The following ZNF43 variants were observed in gnomAD, a reference collection of about 807,000 sequenced individuals.
The protein encoded by ZNF43 is zinc finger protein 43, also known as zinc finger protein 39-like 1 (KOX 27).
ZNF43 carries 44 observed loss-of-function variants against 68.4 expected under a neutral mutation model. The observed-to-expected ratio is 0.64, with a 90% CI of 0.51 to 0.83. The LOEUF (loss-of-function observed/expected upper bound fraction) is 0.83. ZNF43 is among the 40% of genes least tolerant of loss of function. The pLI, the probability that ZNF43 is intolerant of heterozygous loss-of-function variation, is 0.00. For missense variants in ZNF43, 896 were observed against 933.2 expected (o/e 0.96, Z 0.52); for synonymous variants, 308 against 307.8 (o/e 1.00, Z -0.01).
exon 1 of ZNF43, chr19:21,851,982 C>T (rs186761667): frequency 0.012 from 18,290 of 1,528,552 alleles, 162 homozygotes; most frequent in Middle Eastern, 0.021. Flanking sequence ...GTAACGGAGG[C>T]TGCGACAAAG....
chr19:21,814,832 C>A (rs967443034), intron 3 of ZNF43, among the ~76,000 whole-genome samples: 1 of 151,972 alleles, frequency 6.6e-6, no homozygotes, highest in African/African-American at 2.4e-5. Context: ...GAAACCTACA[C>A]TGAAGAAATA....
chr19:21,851,634 C>A (rs116811099), intron 1 of ZNF43, among the ~76,000 whole-genome samples: 3,767 of 152,210 alleles, frequency 0.025, 169 homozygotes, highest in African/African-American at 0.083. Context: ...GATTCTGCCC[C>A]GATCATCCGC....
At chr19:21,817,849 T>A in intron 3 of ZNF43, 39 bp downstream of exon 3, 1 of 1,580,120 alleles carries the variant, frequency 6.3e-7, no homozygotes, top group Non-Finnish European at 8.7e-7. Flanking sequence ...TTTGGACTTC[T>A]CATCTGTGTT....
intron 1 of ZNF43, among the ~76,000 whole-genome samples, chr19:21,823,180 T>C (rs1347484015): frequency 6.6e-6 from 1 of 152,196 alleles, no homozygotes; most frequent in African/African-American, 2.4e-5. Flanking sequence ...AACAATATAA[T>C]GCTAAATTCA....
intron 1 of ZNF43, among the ~76,000 whole-genome samples, chr19:21,851,731 T>C (rs1170168552): frequency 6.6e-6 from 1 of 151,832 alleles, no homozygotes; most frequent in Non-Finnish European, 1.5e-5. Context: ...CGCGCAGGAA[T>C]GGGGCGGGAC....
At chr19:21,810,832 C>T (rs80062065) in intron 3 of ZNF43, among the ~76,000 whole-genome samples, 5,826 of 152,096 alleles carry the variant, frequency 0.038, 165 homozygotes, top group Admixed American at 0.053. Flanking sequence ...TGTCTGTACA[C>T]CCAGCTACTT....
intron 3 of ZNF43, among the ~76,000 whole-genome samples, chr19:21,815,414 T>A (rs2037472450): frequency 6.6e-6 from 1 of 150,670 alleles, no homozygotes; most frequent in Admixed American, 6.6e-5. Context: ...TTTAAGTAGA[T>A]GCTATACTTA....
chr19:21,842,442 C>T (rs75498524), intron 1 of ZNF43, among the ~76,000 whole-genome samples: 2 of 149,352 alleles, frequency 1.3e-5, no homozygotes, highest in Non-Finnish European at 3.0e-5. Context: ...AAAAAAATCA[C>T]AATCCCGCCT....
At chr19:21,829,317 G>GTT (rs2038312719) in intron 1 of ZNF43, among the ~76,000 whole-genome samples, 1 of 152,118 alleles carries the variant, frequency 6.6e-6, no homozygotes, top group Admixed American at 6.5e-5. Context: ...CTTTTGCAGT[G>GTT]TAAGTACTTC....
At position 21,807,353 on chromosome 19, in the gene ZNF43, C is replaced by T; in HGVS notation, c.*254G>A. 1 of 314,388 alleles carries T rather than the reference C, an allele frequency of 3.2e-6. No homozygotes were observed. 19.5% of individuals were successfully genotyped at this position (314,388 alleles called of 1,614,324 possible). A position where few individuals can be genotyped will look rare whatever the true frequency, so the allele number is the denominator to read the frequency against. On this transcript the variant is annotated 3_prime_UTR_variant, in exon 4 of 4. Coordinates refer to ENST00000354959, the MANE Select transcript of ZNF43 (RefSeq NM_003423.4). ...GCATCTATAATGGTTTTATTAAGTA[C>T]AGACTCTCTGATGTTGAGTAAGATA...
At chr19:21,826,476 C>T (rs1568369116) in intron 1 of ZNF43, 1 of 152,166 alleles carries the variant, frequency 6.6e-6, no homozygotes, top group Non-Finnish European at 1.5e-5. Context: ...AAAGAGAGTT[C>T]AGCAGGCTCA....
At chr19:21,812,775 AC>A (rs2037340265) in intron 3 of ZNF43, among the ~76,000 whole-genome samples, 4 of 151,948 alleles carry the variant, frequency 2.6e-5, no homozygotes, top group Admixed American at 2.6e-4. Flanking sequence ...ACATGGCAAA[AC>A]CCCATCTCTA....
upstream of ZNF43, among the ~76,000 whole-genome samples, chr19:21,837,664 A>T (rs747966553): frequency 1.3e-5 from 2 of 151,874 alleles, no homozygotes; most frequent in Non-Finnish European, 2.9e-5. Flanking sequence ...ATACCAGCTA[A>T]TTTTTTGTAT....
At chr19:21,845,443 TG>T (rs1967884270) in intron 1 of ZNF43, 1 of 152,068 alleles carries the variant, frequency 6.6e-6, no homozygotes, top group Non-Finnish European at 1.5e-5. Context: ...ATCTAGGTGC[TG>T]GGTCCAGTGA....
At chr19:21,814,937 C>T (rs2037447768) in intron 3 of ZNF43, among the ~76,000 whole-genome samples, 1 of 151,734 alleles carries the variant, frequency 6.6e-6, no homozygotes, top group Non-Finnish European at 1.5e-5. Context: ...CCTGTAATCC[C>T]AGCACTTTGG....
chr19:21,825,534 T>C (rs2038074867), intron 1 of ZNF43, among the ~76,000 whole-genome samples: 1 of 152,092 alleles, frequency 6.6e-6, no homozygotes, highest in African/African-American at 2.4e-5. Context: ...ATTTCTCAAA[T>C]CTCAAAACCC....
chr19:21,819,373 T>G (rs2037688873), intron 1 of ZNF43, 152 bp from the exon 2 acceptor site: 3 of 890,304 alleles, frequency 3.4e-6, no homozygotes, highest in Non-Finnish European at 4.7e-6. Flanking sequence ...AAATAATTCT[T>G]TTCATGGAAT....
chr19:21,824,691 C>G (rs2038021751), intron 1 of ZNF43, among the ~76,000 whole-genome samples: 1 of 142,894 alleles, frequency 7.0e-6, no homozygotes, highest in African/African-American at 2.7e-5. Flanking sequence ...GAGATCCCCT[C>G]ATAGAGGCTG....
At chr19:21,843,266 G>C in intron 1 of ZNF43, 1 of 550,178 alleles carries the variant, frequency 1.8e-6, no homozygotes, top group Non-Finnish European at 2.3e-6. Flanking sequence ...CTGTGTACTG[G>C]GCCCAGGCAG....
Sources: allele counts gnomAD v4.1 joint callset (sites outside exome capture counted in the v4.1 genomes callset), GRCh38; gene constraint gnomAD v4.1.1; transcripts MANE v1.5; gene names NCBI Gene and HGNC (gene_info 2026-07-23, HGNC 2026-07-21).